KLF12: variants seen among roughly 807,000 people sequenced by gnomAD.
KLF12 encodes the protein KLF transcription factor 12.
In KLF12, 9 loss-of-function variants were observed where a neutral mutation model predicts 37.8. The ratio of observed to expected loss-of-function variants is 0.24; its 90% CI spans 0.14 to 0.42. KLF12 has a LOEUF of 0.42. Ranked by LOEUF, KLF12 falls within the 10% of genes least tolerant of loss-of-function variation. The pLI is 1.00. For missense variants in KLF12, 411 were observed against 516.0 expected (o/e 0.80, Z 1.97); for synonymous variants, 208 against 202.1 (o/e 1.03, Z -0.25).
At chr13:73,884,672 G>A (rs1229557638) in intron 3 of KLF12, among the ~76,000 whole-genome samples, 2 of 152,188 alleles carry the variant, frequency 1.3e-5, no homozygotes, top group Admixed American at 6.5e-5. Context: ...CAGCCACTAC[G>A]CCCATGTGGC....
intron 3 of KLF12, among the ~76,000 whole-genome samples, chr13:73,866,179 T>C (rs7992594): frequency 0.97 from 146,989 of 152,190 alleles, 71,135 homozygotes; most frequent in Non-Finnish European, 1. Flanking sequence ...CTCTTGAACC[T>C]GGAAGGCAGA....
chr13:74,164,246 T>G, the KLF12 span, among the ~76,000 whole-genome samples: 1 of 152,210 alleles, frequency 6.6e-6, no homozygotes, highest in Non-Finnish European at 1.5e-5. Flanking sequence ...TTATGGCTTT[T>G]TTTGCTTTTT....
intron 2 of KLF12, among the ~76,000 whole-genome samples, chr13:73,951,501 T>C (rs1289566611): frequency 3.3e-5 from 5 of 152,160 alleles, no homozygotes; most frequent in Non-Finnish European, 7.3e-5. Flanking sequence ...AAGCACAGGG[T>C]ACTTTGGCAC....
the KLF12 span, among the ~76,000 whole-genome samples, chr13:74,141,881 T>C: frequency 2.0e-5 from 3 of 152,184 alleles, no homozygotes; most frequent in African/African-American, 4.8e-5. Flanking sequence ...CTTTTTACTA[T>C]GTAATGTTTC....
chr13:73,858,816 G>A (rs1885750580), intron 3 of KLF12, among the ~76,000 whole-genome samples: 1 of 152,144 alleles, frequency 6.6e-6, no homozygotes, highest in African/African-American at 2.4e-5. Context: ...TAAAAATGGA[G>A]AGCATTAAGA....
At chr13:74,163,164 G>A in the KLF12 span, among the ~76,000 whole-genome samples, 1 of 152,214 alleles carries the variant, frequency 6.6e-6, no homozygotes, top group Non-Finnish European at 1.5e-5. Flanking sequence ...ACTATGGAGA[G>A]CAGTTTGGAG....
chr13:74,133,991 A>T (rs187407653), upstream of KLF12, among the ~76,000 whole-genome samples: 1 of 152,174 alleles, frequency 6.6e-6, no homozygotes, highest in African/African-American at 2.4e-5. Flanking sequence ...ATGATGCGCT[A>T]AATGTAGGGT....
At chr13:73,944,123 A>G in intron 2 of KLF12, 53 bp from the exon 3 acceptor site, 2 of 1,114,726 alleles carry the variant, frequency 1.8e-6, no homozygotes, top group Non-Finnish European at 2.7e-6. Flanking sequence ...TCAAAAGAGG[A>G]CCTCTGGGAG....
chr13:73,919,287 T>A (rs1043903268), intron 3 of KLF12, among the ~76,000 whole-genome samples: 1 of 152,172 alleles, frequency 6.6e-6, no homozygotes, highest in African/African-American at 2.4e-5. Context: ...ATAAGTTGAA[T>A]CAATGCCCTA....
At chr13:74,138,561 G>T (rs1381252716), upstream of KLF12, among the ~76,000 whole-genome samples, 3 of 152,120 alleles carry the variant, frequency 2.0e-5, no homozygotes, top group Non-Finnish European at 4.4e-5. Flanking sequence ...CTGCAAATTA[G>T]GGGGAAAATG....
At chr13:74,191,010 T>C in the KLF12 span, among the ~76,000 whole-genome samples, 1 of 152,250 alleles carries the variant, frequency 6.6e-6, no homozygotes, top group African/African-American at 2.4e-5. Context: ...CATAGGGCAC[T>C]GCTACACATT....
intron 3 of KLF12, among the ~76,000 whole-genome samples, chr13:73,875,141 A>G (rs1033174383): frequency 6.5e-5 from 7 of 107,538 alleles, no homozygotes; most frequent in African/African-American, 2.5e-4. Context: ...TAAAAAAAAA[A>G]GAACTTGAAC....
intron 6 of KLF12, among the ~76,000 whole-genome samples, chr13:73,762,739 C>T (rs1316360031): frequency 1.3e-5 from 2 of 152,076 alleles, no homozygotes; most frequent in African/African-American, 2.4e-5. Context: ...TCATTGCCAG[C>T]GTGAGTCTTT....
Position 74,026,329 on chromosome 13 carries a change from A to C in KLF12, c.-31-31276T>G, listed in dbSNP as rs185083741. The stretch of plus-strand genomic sequence containing the variant: ...TGCAAATCAACCTCTTTTTAGTTGC[A>C]TGCTTCTCTAATAGAACTGTATGTA... On this transcript the variant is annotated intron_variant, in intron 1 of 7. Coordinates refer to ENST00000377669, the MANE Select transcript of KLF12 (RefSeq NM_007249.5). Among the ~76,000 whole-genome samples, 6 of 152,272 alleles carry C rather than the reference A, an allele frequency of 3.9e-5. No homozygotes were observed. The East Asian group carries it at 1.2e-3, about 29-fold the overall frequency.
At chr13:73,799,452 C>A (rs1366044627) in intron 5 of KLF12, among the ~76,000 whole-genome samples, 1 of 151,250 alleles carries the variant, frequency 6.6e-6, no homozygotes, top group Non-Finnish European at 1.5e-5. Flanking sequence ...AAAAATCAGA[C>A]TAATTTTTGT....
intron 3 of KLF12, among the ~76,000 whole-genome samples, chr13:73,921,639 T>C (rs1889122259): frequency 6.6e-6 from 1 of 152,172 alleles, no homozygotes. Context: ...AATGTAATAA[T>C]ACATGTGTAT....
At chr13:73,922,848 G>A (rs568369810) in intron 3 of KLF12, among the ~76,000 whole-genome samples, 37 of 152,180 alleles carry the variant, frequency 2.4e-4, no homozygotes, top group African/African-American at 7.9e-4. Context: ...ATGCACTAGG[G>A]CTCCTGATTG....
chr13:73,953,529 C>A (rs1009664526), intron 2 of KLF12, among the ~76,000 whole-genome samples: 13 of 152,064 alleles, frequency 8.5e-5, no homozygotes, highest in African/African-American at 3.1e-4. Context: ...ATGAAAAAAA[C>A]ATTCACAACA....
intron 1 of KLF12, among the ~76,000 whole-genome samples, chr13:74,033,223 A>G (rs972357693): frequency 6.6e-6 from 1 of 152,260 alleles, no homozygotes; most frequent in Non-Finnish European, 1.5e-5. Flanking sequence ...TGCAAAAAGT[A>G]TAAATAAGAA....
Sources: allele counts gnomAD v4.1 joint callset (sites outside exome capture counted in the v4.1 genomes callset), GRCh38; gene constraint gnomAD v4.1.1; transcripts MANE v1.5; gene names NCBI Gene and HGNC (gene_info 2026-07-23, HGNC 2026-07-21).